Variants in ECT2L observed in about 807,000 individuals in gnomAD.
ECT2L encodes epithelial cell-transforming sequence 2 oncogene-like.
A neutral mutation model predicts 122.8 loss-of-function variants in ECT2L; 126 were observed. That is an observed-to-expected ratio of 1.03 (90% confidence interval 0.89 to 1.19). ECT2L has a LOEUF of 1.19. Among genes scored for constraint, ECT2L ranks in the 50% most tolerant of loss-of-function variants. The probability of loss-of-function intolerance (pLI) is 0.00; values close to 1 mark genes in which losing one functional copy is unlikely to be tolerated. For synonymous variants in ECT2L, 385 were observed against 381.8 expected, an observed-to-expected ratio of 1.01 and a Z score of -0.10; for missense variants, 1,012 against 1,064.1, an observed-to-expected ratio of 0.95 and a Z score of 0.68.
intron 11 of ECT2L, 59 bp downstream of exon 11, chr6:138,862,778 C>T: frequency 7.1e-7 from 1 of 1,412,908 alleles, no homozygotes; most frequent in Non-Finnish European, 1.0e-6. Flanking sequence ...CCAGAATCAC[C>T]AAAAGACAAA....
At chr6:138,841,127 TCTAC>T (rs1418371431) in intron 5 of ECT2L, among the ~76,000 whole-genome samples, 1 of 152,230 alleles carries the variant, frequency 6.6e-6, no homozygotes, top group East Asian at 1.9e-4. Flanking sequence ...GCCAAAATTT[TCTAC>T]CTAGTCATTT....
At chr6:138,892,051 T>C (rs981446997) in intron 20 of ECT2L, among the ~76,000 whole-genome samples, 5 of 152,216 alleles carry the variant, frequency 3.3e-5, no homozygotes, top group African/African-American at 1.2e-4. Flanking sequence ...CTTCATCTGG[T>C]ATTCCCATTA....
At chr6:138,849,204 C>A in intron 8 of ECT2L, 65 bp from the exon 9 acceptor site, 1 of 1,393,220 alleles carries the variant, frequency 7.2e-7, no homozygotes, top group Non-Finnish European at 9.5e-7. Context: ...CGTTCTATTT[C>A]TTTCATTAAT....
In ECT2L at chr6:138,858,696, CCTTTT is replaced by C. The variant is rs1777708186; in HGVS notation, c.1199-3930_1199-3926del. On this transcript the variant is annotated intron_variant, in intron 10 of 21. Coordinates refer to ENST00000541398, the MANE Select transcript of ECT2L (RefSeq NM_001077706.3). Reference sequence around the variant, plus strand: ...ATTAGTTTTCATCTTCTAGAATTTTCCTTTTTTTTTTTTTTTTTTTTTTTTTTTGA... The same window carrying C: ...ATTAGTTTTCATCTTCTAGAATTTTCTTTTTTTTTTTTTTTTTTTTTTTGA... 1.0e-4 allele frequency among the ~76,000 whole-genome samples: 10 copies of C among 98,596 alleles called. No homozygotes were observed. In the South Asian group the frequency reaches 1.8e-3, roughly 17 times the overall value. 64.7% of individuals were successfully genotyped at this position (98,596 alleles called of 152,430 possible). A position where few individuals can be genotyped will look rare whatever the true frequency, so the allele number is the denominator to read the frequency against.
At chr6:138,885,020 T>C (rs1246004714) in intron 16 of ECT2L, among the ~76,000 whole-genome samples, 1 of 141,114 alleles carries the variant, frequency 7.1e-6, no homozygotes, top group Non-Finnish European at 1.5e-5. Flanking sequence ...TTAACACACA[T>C]TCTTTTTTTT....
At chr6:138,826,889 C>T (rs969933042) in intron 4 of ECT2L, among the ~76,000 whole-genome samples, 1 of 152,112 alleles carries the variant, frequency 6.6e-6, no homozygotes, top group Non-Finnish European at 1.5e-5. Context: ...CACTGTCTCA[C>T]TCTCTTGCTC....
intron 12 of ECT2L, among the ~76,000 whole-genome samples, chr6:138,867,357 T>G (rs1201644057): frequency 3.3e-5 from 5 of 152,142 alleles, no homozygotes; most frequent in Non-Finnish European, 7.4e-5. Context: ...TTTACTGCTA[T>G]TCTTTGCATT....
chr6:138,885,817 GT>G lies in ECT2L; in HGVS notation c.2248del (p.Tyr750IlefsTer2), dbSNP rs1485225861. 6.2e-7 allele frequency: 1 copy of G among 1,613,640 alleles called. No individual in the cohort carries two copies. Among genetic ancestry groups the G allele is most frequent in the Non-Finnish European group, 8.5e-7 (1 of 1,179,894 alleles). On this transcript the variant is annotated frameshift_variant, in exon 18 of 22. Transcript: ENST00000541398. LOFTEE classifies it high-confidence loss of function. ...ATTGACCAAATCAAAAAATATAAAG[GT>G]TATATAGATCAGGTTGGTTGCTGAT... ...TAIDQIKKYK[G>X]YIDQMKQNIT... is the part of the protein sequence containing the mutation.
rs1236909351 is a variant in ECT2L, at chr6:138,882,709, C to G, written c.1881-15C>G. 6.2e-7 allele frequency: 1 copy of G among 1,612,554 alleles called. No homozygotes were observed. The stretch of plus-strand genomic sequence containing the variant: ...CAAGTGAATATTTCATGCTTATGCT[C>G]TTCTCATACCACAGGCAGTTTCTAG... On this transcript the variant is annotated splice_polypyrimidine_tract_variant and intron_variant, in intron 15 of 21. Coordinates refer to ENST00000541398, the MANE Select transcript of ECT2L (RefSeq NM_001077706.3).
chr6:138,801,654 C>T (rs1054989432), intron 1 of ECT2L, among the ~76,000 whole-genome samples: 13 of 152,120 alleles, frequency 8.5e-5, no homozygotes, highest in Non-Finnish European at 1.6e-4. Context: ...ACTCAGGAGG[C>T]TGAGGCAGGG....
chr6:138,829,397 A>G (rs923392540), intron 4 of ECT2L, among the ~76,000 whole-genome samples: 1 of 152,322 alleles, frequency 6.6e-6, no homozygotes, highest in Non-Finnish European at 1.5e-5. Context: ...GAAAAGTTAC[A>G]ATGCATCAAG....
chr6:138,880,797 T>C (rs1778618305), intron 14 of ECT2L, among the ~76,000 whole-genome samples, 160 bp from the exon 15 acceptor site: 1 of 152,202 alleles, frequency 6.6e-6, no homozygotes, highest in South Asian at 2.1e-4. Flanking sequence ...TTGATGATAC[T>C]AGGGACAAGT....
intron 10 of ECT2L, 75 bp downstream of exon 10, chr6:138,854,229 C>T: frequency 1.4e-6 from 2 of 1,442,348 alleles, no homozygotes; most frequent in Non-Finnish European, 1.9e-6. Flanking sequence ...TATTGAAGTG[C>T]CCCTGGGTCA....
chr6:138,842,912 T>C, intron 5 of ECT2L, 67 bp from the exon 6 acceptor site: 4 of 1,369,802 alleles, frequency 2.9e-6, no homozygotes, highest in Non-Finnish European at 3.8e-6. Context: ...TCTGTGTACC[T>C]GAAAATATTA....
At chr6:138,828,475 A>AT (rs56799598) in intron 4 of ECT2L, among the ~76,000 whole-genome samples, 6 of 151,888 alleles carry the variant, frequency 4.0e-5, no homozygotes, top group South Asian at 4.1e-4. Flanking sequence ...GTCAGGTTTG[A>AT]TTTTTTTCAT....
chr6:138,881,365 C>T (rs1778640767), intron 15 of ECT2L, among the ~76,000 whole-genome samples, 194 bp downstream of exon 15: 2 of 151,904 alleles, frequency 1.3e-5, no homozygotes, highest in South Asian at 4.2e-4. Flanking sequence ...ACCCCTTCCC[C>T]CGTTCATAGC....
intron 4 of ECT2L, among the ~76,000 whole-genome samples, chr6:138,834,946 C>G (rs1343776632): frequency 6.6e-6 from 1 of 151,328 alleles, no homozygotes; most frequent in African/African-American, 2.4e-5. Flanking sequence ...CTCTCATTCT[C>G]TCTCTCTGTC....
intron 20 of ECT2L, among the ~76,000 whole-genome samples, chr6:138,900,277 C>T (rs760134453): frequency 5.3e-5 from 8 of 151,596 alleles, no homozygotes; most frequent in African/African-American, 9.7e-5. Context: ...GGCGGAGTCT[C>T]GCCCTGTCAC....
intron 8 of ECT2L, 43 bp downstream of exon 8, chr6:138,846,720 T>C (rs750875309): frequency 7.1e-7 from 1 of 1,413,852 alleles, no homozygotes; most frequent in Admixed American, 2.6e-5. Context: ...ATTGTTTTTT[T>C]GTTTTTTGTT....
Sources: gnomAD v4.1 joint callset for allele counts (sites outside exome capture counted in the v4.1 genomes callset) on GRCh38, gnomAD v4.1.1 for gene constraint, MANE v1.5 for transcripts, NCBI Gene and HGNC (gene_info 2026-07-23, HGNC 2026-07-21) for gene names.